The following ADGRB2 variants were observed in gnomAD, a reference collection of about 807,000 sequenced individuals.
The protein encoded by ADGRB2 is adhesion G protein-coupled receptor B2, also known as brain-specific angiogenesis inhibitor 2.
ADGRB2 carries 47 observed loss-of-function variants against 178.7 expected under a neutral mutation model. The ratio of observed to expected loss-of-function variants is 0.26; its 90% CI spans 0.21 to 0.34. The LOEUF (loss-of-function observed/expected upper bound fraction) is 0.34. Among genes scored for constraint, ADGRB2 ranks in the 10% least tolerant of loss-of-function variants. ADGRB2 has a pLI of 1.00. For synonymous variants in ADGRB2, 870 were observed against 912.4 expected (o/e 0.95, Z 0.84); for missense variants, 1,584 against 2,180.8 (o/e 0.73, Z 5.45).
At chr1:31,746,872 C>G (rs1646302365) in intron 4 of ADGRB2, among the ~76,000 whole-genome samples, 1 of 152,220 alleles carries the variant, frequency 6.6e-6, no homozygotes, top group African/African-American at 2.4e-5. Flanking sequence ...GGAACAGATC[C>G]AGGCCTCCTT....
intron 26 of ADGRB2, 126 bp downstream of exon 26, chr1:31,732,846 G>A: frequency 7.6e-7 from 1 of 1,324,404 alleles, no homozygotes; most frequent in Non-Finnish European, 1.0e-6. Context: ...CCACAGTAAG[G>A]GCTGCCCAGA....
chr1:31,736,702 C>T lies in ADGRB2; in HGVS notation c.3001G>A (p.Ala1001Thr), dbSNP rs1374281427. Residue 1001 changes from alanine to threonine, a missense_variant, in exon 21 of 33, where the codon GCC becomes ACC. By Grantham distance (58) the Ala-to-Thr change is moderately conservative (BLOSUM62 0). Around this residue, in one of 3 missense-constraint regions of ADGRB2, gnomAD observed 865 missense variants for 1,192.8 expected, o/e 0.73. Transcript: ENST00000373658. ...LSKGVCTMTA[A>T]FLHFFFLSSF... is the part of the protein sequence containing the mutation. ...GAGAGAAAGAAGAAGTGCAGGAAGG[C>T]AGCCGTCATGGTGCACACGCCCTGC... The T allele has an allele frequency of 1.2e-6, 2 of 1,613,938 alleles. No individual in the cohort carries two copies. Among genetic ancestry groups the T allele is most frequent in the East Asian group, 2.2e-5 (1 of 44,870 alleles).
intron 4 of ADGRB2, among the ~76,000 whole-genome samples, chr1:31,745,466 T>C (rs1285651891): frequency 6.6e-6 from 1 of 152,130 alleles, no homozygotes; most frequent in Non-Finnish European, 1.5e-5. Context: ...GCTGCCCTGA[T>C]TTATGTGTCT....
At position 31,744,590 on chromosome 1, in the gene ADGRB2, CA is replaced by C. The variant is rs1304124148; in HGVS notation, c.922+57del. On this transcript the variant is annotated intron_variant, in intron 5 of 32. Transcript: ENST00000373658. This position sits in a 1 kb window ranked among gnomAD's most constrained non-coding sequence, Gnocchi z 6.7. ...ACAGGCACACACCAAGCACACACAC[CA>C]CCAGACGCACACAGTCGGGCCCCCG... 5 of 1,580,422 alleles carry C rather than the reference CA, an allele frequency of 3.2e-6. No homozygotes were observed. The East Asian group carries it at 1.1e-4, about 36-fold the overall frequency.
rs967754362 is a variant in ADGRB2 at position 31,758,877 on chromosome 1, C to T, written c.-190-1366G>A. ...CATGCCTGTCCCACACTGCTCAGCT[C>T]GCCCCACCTGCTGCGGCACTAGCCA... On this transcript the variant is annotated intron_variant, in intron 1 of 32. Transcript: ENST00000373658. This position sits in a 1 kb window ranked among gnomAD's most constrained non-coding sequence, Gnocchi z 4.2. 2.3e-5 allele frequency: 5 copies of T among 221,488 alleles called. No individual in the cohort carries two copies. Among genetic ancestry groups the T allele is most frequent in the African/African-American group, 4.5e-5 (2 of 44,006 alleles). The allele number at this position is 221,488 out of a possible 1,614,324, so 13.7% of individuals were successfully genotyped here. A position where few individuals can be genotyped will look rare whatever the true frequency, so the allele number is the denominator to read the frequency against.
chr1:31,732,072 T>A, intron 28 of ADGRB2, 43 bp downstream of exon 28: 13 of 1,612,372 alleles, frequency 8.1e-6, no homozygotes, highest in Non-Finnish European at 8.5e-6. Flanking sequence ...CCCCTTCTTC[T>A]CCAACCCCAG....
intron 6 of ADGRB2, 120 bp from the exon 7 acceptor site, chr1:31,743,122 T>G: frequency 8.5e-7 from 1 of 1,177,614 alleles, no homozygotes; most frequent in Admixed American, 3.7e-5. Context: ...TCATTGGCTC[T>G]GCCCCGGGAT....
At position 31,764,081 on chromosome 1, in the gene ADGRB2, G is replaced by T; in HGVS notation, c.-388C>A. 8 of 134,314 alleles carry T rather than the reference G, an allele frequency of 6.0e-5. No homozygotes were observed. The highest frequency in any genetic ancestry group is 1.1e-4 in the Non-Finnish European group (7 of 62,680). The allele number at this position is 134,314 out of a possible 1,614,324, so 8.3% of individuals were successfully genotyped here. A position where few individuals can be genotyped will look rare whatever the true frequency, so the allele number is the denominator to read the frequency against. Reference sequence around the variant, plus strand: ...GGAGCAGCGCGGGGCGGGCGGGCGGGCGGCGCCGGGCCGGGCGCGGGCTCC... The same window carrying T: ...GGAGCAGCGCGGGGCGGGCGGGCGGTCGGCGCCGGGCCGGGCGCGGGCTCC... On this transcript the variant is annotated 5_prime_UTR_variant, in exon 1 of 33. Coordinates refer to ENST00000373658, the MANE Select transcript of ADGRB2 (RefSeq NM_001364857.2). This position sits in a 1 kb window ranked among gnomAD's most constrained non-coding sequence, Gnocchi z 7.3.
At chr1:31,748,245 C>A (rs138994208) in intron 4 of ADGRB2, among the ~76,000 whole-genome samples, 1 of 152,336 alleles carries the variant, frequency 6.6e-6, no homozygotes, top group Non-Finnish European at 1.5e-5. Context: ...AAAATCAGAA[C>A]ATGTCCGAGG....
Position 31,731,288 on chromosome 1 carries a change from G to A in ADGRB2, c.3892C>T (p.Leu1298=), listed in dbSNP as rs10914473. ...ATGGGCACCAGGATATTCCCAGGCA[G>A]TGGTGAGAAGCTGAGGCTGCCCTCA... ...GPEGSLSFSP[L]PGNILVPMAA... The change falls in exon 29 of 33, where the codon CTG becomes TTG. Residue 1298 remains leucine (L), a synonymous_variant. Coordinates refer to ENST00000373658, the MANE Select transcript of ADGRB2 (RefSeq NM_001364857.2). 25,290 of 1,611,932 alleles carry A rather than the reference G, an allele frequency of 0.016. 285 individuals carry two copies. Among genetic ancestry groups the A allele is most frequent in the African/African-American group, 0.045 (3,410 of 75,034 alleles).
At chr1:31,729,368 T>C (rs1241920229) in intron 29 of ADGRB2, among the ~76,000 whole-genome samples, 2 of 152,044 alleles carry the variant, frequency 1.3e-5, no homozygotes, top group South Asian at 2.1e-4. Flanking sequence ...CCTGTGGGCA[T>C]GCTCACCACC....
At chr1:31,757,058 A>C in intron 3 of ADGRB2, 143 bp downstream of exon 3, 1 of 1,402,100 alleles carries the variant, frequency 7.1e-7, no homozygotes. Context: ...GAAATAAGTA[A>C]GGGAAAGGAC....
At chr1:31,743,334 G>C (rs377492381) in intron 6 of ADGRB2, 4 of 265,432 alleles carry the variant, frequency 1.5e-5, no homozygotes, top group African/African-American at 8.8e-5. Flanking sequence ...CAGGACCCAC[G>C]CCATTCCACC....
chr1:31,735,924 ACCCAGCAGCCTCCCT>A lies in ADGRB2; in HGVS notation c.3201-46_3201-32del. 6.4e-7 allele frequency: 1 copy of A among 1,552,654 alleles called. No individual in the cohort carries two copies. The highest frequency in any genetic ancestry group is 8.7e-7 in the Non-Finnish European group (1 of 1,147,568). On this transcript the variant is annotated intron_variant, in intron 22 of 32. Coordinates refer to ENST00000373658, the MANE Select transcript of ADGRB2 (RefSeq NM_001364857.2). The surrounding 1 kb of genome is among the most constrained non-coding windows in gnomAD (Gnocchi z 6.0). ...GTGGGGGAGAAGAAGGGTGTCAGAC[ACCCAGCAGCCTCCCT>A]CCCCACCCTCAAACACCATCCCTCA...
At position 31,759,463 on chromosome 1, in the gene ADGRB2, C is replaced by T. The variant is rs1646977838; in HGVS notation, c.-190-1952G>A. ...GCTGCTGCTCCCTACTCCACAGCCC[C>T]GCCCCATCAAGAAGCACAAGGTCCA... On this transcript the variant is annotated intron_variant, in intron 1 of 32. Transcript: ENST00000373658. The surrounding 1 kb of genome is among the most constrained non-coding windows in gnomAD (Gnocchi z 4.3). The T allele has an allele frequency of 1.2e-5, 9 of 743,418 alleles. No individual in the cohort carries two copies. The highest frequency in any genetic ancestry group is 1.1e-4 in the South Asian group (8 of 70,074). The allele number at this position is 743,418 out of a possible 1,614,324, so 46.1% of individuals were successfully genotyped here. A position where few individuals can be genotyped will look rare whatever the true frequency, so the allele number is the denominator to read the frequency against.
chr1:31,727,915 G>A lies in ADGRB2; in HGVS notation c.4572+110C>T, dbSNP rs892934150. 4.4e-6 allele frequency: 6 copies of A among 1,367,818 alleles called. No homozygotes were observed. Among genetic ancestry groups the A allele is most frequent in the Admixed American group, 4.9e-5 (2 of 41,226 alleles). The allele number at this position is 1,367,818 out of a possible 1,614,324, so 84.7% of individuals were successfully genotyped here. On this transcript the variant is annotated intron_variant, in intron 32 of 32. Transcript: ENST00000373658. The surrounding 1 kb of genome is among the most constrained non-coding windows in gnomAD (Gnocchi z 4.4). ...GGCCCCAGACTGTTGCCCATGCCGT[G>A]GGGGAGGCCCTTGGTGAGACAGGCT...
At chr1:31,742,017 G>C in intron 8 of ADGRB2, 36 bp downstream of exon 8, 1 of 1,589,642 alleles carries the variant, frequency 6.3e-7, no homozygotes, top group Admixed American at 1.7e-5. Flanking sequence ...CCCATGGTCA[G>C]AGCTGCAACT....
At position 31,733,294 on chromosome 1, in the gene ADGRB2, G is replaced by T; in HGVS notation, c.3453-151C>A. ...CTCAGTAATGTCCCCAAGCAGAGAG[G>T]GGCTGAGGAGCCAGAGCCAGAGAAA... On this transcript the variant is annotated intron_variant, in intron 25 of 32. Coordinates refer to ENST00000373658, the MANE Select transcript of ADGRB2 (RefSeq NM_001364857.2). This position sits in a 1 kb window ranked among gnomAD's most constrained non-coding sequence, Gnocchi z 4.3. 1 of 810,974 alleles carries T rather than the reference G, an allele frequency of 1.2e-6. No individual in the cohort carries two copies. 50.2% of individuals were successfully genotyped at this position (810,974 alleles called of 1,614,324 possible).
chr1:31,744,526 A>C lies in ADGRB2; in HGVS notation c.922+122T>G, dbSNP rs1214689325. On this transcript the variant is annotated intron_variant, in intron 5 of 32. Coordinates refer to ENST00000373658, the MANE Select transcript of ADGRB2 (RefSeq NM_001364857.2). This position sits in a 1 kb window ranked among gnomAD's most constrained non-coding sequence, Gnocchi z 6.7. ...CCACCCAGCCCTTCCCACAAGCTTC[A>C]TGTGGCACAGACGCGACTGAACTGC... The C allele has an allele frequency of 2.8e-6, 4 of 1,439,632 alleles. No individual in the cohort carries two copies. Among genetic ancestry groups the C allele is most frequent in the African/African-American group, 2.8e-5 (2 of 70,488 alleles). The allele number at this position is 1,439,632 out of a possible 1,614,324, so 89.2% of individuals were successfully genotyped here.
Sources: allele counts gnomAD v4.1 joint callset (sites outside exome capture counted in the v4.1 genomes callset), GRCh38; gene constraint gnomAD v4.1.1; regional missense constraint gnomAD v4.1.1; non-coding constraint Gnocchi (gnomAD v3.1); transcripts MANE v1.5; gene names NCBI Gene and HGNC (gene_info 2026-07-23, HGNC 2026-07-21).